Variants in NLGN1 observed in about 807,000 individuals in gnomAD.
NLGN1 encodes neuroligin 1.
A neutral mutation model predicts 65.5 loss-of-function variants in NLGN1; 12 were observed. That is an observed-to-expected ratio of 0.18 (90% CI 0.12 to 0.30). The LOEUF (loss-of-function observed/expected upper bound fraction) is 0.30. NLGN1 is among the 10% of genes least tolerant of loss of function. The pLI is 1.00. For synonymous variants in NLGN1, 350 were observed against 359.5 expected, an observed-to-expected ratio of 0.97 and a Z score of 0.30; for missense variants, 750 against 1,007.1, an observed-to-expected ratio of 0.74 and a Z score of 3.46.
At chr3:174,186,578 C>T (rs1263310306) in intron 4 of NLGN1, among the ~76,000 whole-genome samples, 2 of 152,012 alleles carry the variant, frequency 1.3e-5, no homozygotes, top group Admixed American at 1.3e-4. Context: ...TCTCAGAGCA[C>T]TGTTTTTTAC....
intron 2 of NLGN1, among the ~76,000 whole-genome samples, chr3:173,491,023 A>G (rs1340714043): frequency 6.6e-6 from 1 of 151,874 alleles, no homozygotes; most frequent in African/African-American, 2.4e-5. Context: ...CTAGATATAC[A>G]ATCATGTCAT....
At chr3:174,247,674 A>AT (rs1744049767) in intron 4 of NLGN1, among the ~76,000 whole-genome samples, 1 of 151,932 alleles carries the variant, frequency 6.6e-6, no homozygotes, top group African/African-American at 2.4e-5. Flanking sequence ...CTCATCAAGC[A>AT]ACCCAGCCTA....
At chr3:173,726,328 T>G (rs1771773016) in intron 3 of NLGN1, among the ~76,000 whole-genome samples, 1 of 152,008 alleles carries the variant, frequency 6.6e-6, no homozygotes, top group Non-Finnish European at 1.5e-5. Flanking sequence ...AGCACTATTC[T>G]TAATACTTTC....
intron 4 of NLGN1, among the ~76,000 whole-genome samples, chr3:174,106,062 G>A (rs939963471): frequency 1.3e-5 from 2 of 152,012 alleles, no homozygotes; most frequent in African/African-American, 4.8e-5. Context: ...TTCAATTCTT[G>A]GTAAGGACCA....
At chr3:173,596,705 G>A (rs1749551718) in intron 2 of NLGN1, among the ~76,000 whole-genome samples, 1 of 152,134 alleles carries the variant, frequency 6.6e-6, no homozygotes, top group Non-Finnish European at 1.5e-5. Flanking sequence ...TGTTAATATG[G>A]TCATGACATG....
At chr3:173,792,605 C>A (rs1222082409) in intron 3 of NLGN1, among the ~76,000 whole-genome samples, 1 of 151,992 alleles carries the variant, frequency 6.6e-6, no homozygotes, top group African/African-American at 2.4e-5. Context: ...GATGAAGTCA[C>A]TGTTTTGTTC....
intron 3 of NLGN1, among the ~76,000 whole-genome samples, chr3:173,776,256 CTG>C (rs1362994200): frequency 6.6e-6 from 1 of 151,964 alleles, no homozygotes; most frequent in Non-Finnish European, 1.5e-5. Flanking sequence ...CATCTGCAAA[CTG>C]TGTCCAACTG....
intron 2 of NLGN1, among the ~76,000 whole-genome samples, chr3:173,602,671 G>A (rs913060945): frequency 2.0e-5 from 3 of 152,010 alleles, no homozygotes; most frequent in African/African-American, 7.2e-5. Flanking sequence ...TGAAAATTAG[G>A]TTGAATAAAA....
At chr3:174,089,384 C>T (rs1442679087) in intron 4 of NLGN1, among the ~76,000 whole-genome samples, 1 of 152,134 alleles carries the variant, frequency 6.6e-6, no homozygotes. Flanking sequence ...TCCACTAAAA[C>T]TTGAGCAGAA....
chr3:173,722,245 T>C (rs868023293), intron 3 of NLGN1, among the ~76,000 whole-genome samples: 76 of 130,580 alleles, frequency 5.8e-4, no homozygotes, highest in Middle Eastern at 3.8e-3. Context: ...CTTCTTCTTT[T>C]TTTTTTTTTT....
intron 4 of NLGN1, among the ~76,000 whole-genome samples, chr3:174,125,219 C>T (rs759695942): frequency 2.0e-5 from 3 of 147,232 alleles, no homozygotes; most frequent in Non-Finnish European, 4.6e-5. Flanking sequence ...TTTGATGACT[C>T]TGTGTAGGAT....
intron 4 of NLGN1, among the ~76,000 whole-genome samples, chr3:173,892,964 A>G (rs973927818): frequency 2.0e-5 from 3 of 152,156 alleles, no homozygotes; most frequent in Admixed American, 1.3e-4. Flanking sequence ...ATTAATCTGT[A>G]TTATAACTAT....
At chr3:173,659,934 G>A (rs1760679064) in intron 3 of NLGN1, among the ~76,000 whole-genome samples, 1 of 151,932 alleles carries the variant, frequency 6.6e-6, no homozygotes, top group Non-Finnish European at 1.5e-5. Context: ...CAGGCTAAAT[G>A]TGACTCCTGA....
chr3:174,113,118 C>T (rs1576937745), intron 4 of NLGN1, among the ~76,000 whole-genome samples: 1 of 152,032 alleles, frequency 6.6e-6, no homozygotes, highest in South Asian at 2.1e-4. Flanking sequence ...AATCCCATCA[C>T]ACATCTAGAT....
At chr3:173,654,523 A>G (rs1356294156) in intron 3 of NLGN1, among the ~76,000 whole-genome samples, 1 of 152,154 alleles carries the variant, frequency 6.6e-6, no homozygotes, top group Non-Finnish European at 1.5e-5. Flanking sequence ...GGAGAAACCT[A>G]TAAAAAGTAG....
At chr3:173,433,675 T>G (rs768553468) in intron 1 of NLGN1, among the ~76,000 whole-genome samples, 3 of 152,130 alleles carry the variant, frequency 2.0e-5, no homozygotes, top group Non-Finnish European at 4.4e-5. Flanking sequence ...TTTTTATTTG[T>G]ATGTTGAGTG....
At chr3:173,459,999 T>C (rs1298154442) in intron 2 of NLGN1, among the ~76,000 whole-genome samples, 2 of 152,076 alleles carry the variant, frequency 1.3e-5, no homozygotes, top group Non-Finnish European at 2.9e-5. Context: ...TGCAGAATTA[T>C]TTTTTGCTGT....
chr3:173,869,029 G>A (rs1730704918), intron 4 of NLGN1, among the ~76,000 whole-genome samples: 1 of 152,088 alleles, frequency 6.6e-6, no homozygotes, highest in South Asian at 2.1e-4. Context: ...CTCTACTTCA[G>A]TGCTATTTTT....
chr3:173,690,281 T>A (rs1269965290), intron 3 of NLGN1, among the ~76,000 whole-genome samples: 2 of 152,212 alleles, frequency 1.3e-5, no homozygotes, highest in African/African-American at 4.8e-5. Context: ...CACAACATCA[T>A]GACTTACATA....
Sources: allele counts gnomAD v4.1 joint callset (sites outside exome capture counted in the v4.1 genomes callset), GRCh38; gene constraint gnomAD v4.1.1; transcripts MANE v1.5; gene names NCBI Gene and HGNC (gene_info 2026-07-23, HGNC 2026-07-21).